Variants in SATB2 observed in about 807,000 individuals in gnomAD.
SATB2 encodes DNA-binding protein SATB2.
Under a neutral mutation model 73.4 loss-of-function variants are expected in SATB2, and 1 was observed. That is an observed-to-expected ratio of 0.01 (90% CI 0.00 to 0.06). The LOEUF (loss-of-function observed/expected upper bound fraction) is 0.06. SATB2 is among the 10% of genes least tolerant of loss of function. SATB2 has a pLI of 1.00. For missense variants in SATB2, 459 were observed against 945.8 expected (o/e 0.49, Z 6.75); for synonymous variants, 397 against 367.0 (o/e 1.08, Z -0.93).
At chr2:199,413,854 T>C (rs574039291) in intron 3 of SATB2, among the ~76,000 whole-genome samples, 17 of 152,266 alleles carry the variant, frequency 1.1e-4, no homozygotes, top group Admixed American at 9.8e-4. Flanking sequence ...CCTGGCGGCA[T>C]TGTGAAGATG....
chr2:199,332,760 T>G (rs998310304), intron 7 of SATB2, among the ~76,000 whole-genome samples: 37 of 152,166 alleles, frequency 2.4e-4, no homozygotes, highest in African/African-American at 8.0e-4. Context: ...ATTGTTAGCA[T>G]GTACAATATA....
At chr2:199,414,759 C>T (rs1268312309) in intron 3 of SATB2, among the ~76,000 whole-genome samples, 1 of 152,136 alleles carries the variant, frequency 6.6e-6, no homozygotes, top group Non-Finnish European at 1.5e-5. Context: ...GTGGCATCTT[C>T]TTCAGAAAAG....
intron 10 of SATB2, among the ~76,000 whole-genome samples, chr2:199,278,118 T>C (rs1034776588): frequency 6.6e-6 from 1 of 152,114 alleles, no homozygotes; most frequent in African/African-American, 2.4e-5. Flanking sequence ...GGGAAGTTAT[T>C]TGAGATAAGG....
intron 6 of SATB2, among the ~76,000 whole-genome samples, chr2:199,358,969 G>A (rs1247049229): frequency 6.6e-6 from 1 of 151,816 alleles, no homozygotes. Flanking sequence ...ATTCTACATA[G>A]GTTAAAACTG....
At chr2:199,434,779 C>T (rs1254815563) in intron 2 of SATB2, among the ~76,000 whole-genome samples, 1 of 152,090 alleles carries the variant, frequency 6.6e-6, no homozygotes, top group Admixed American at 6.6e-5. Context: ...CTCCCTGTGG[C>T]CTCAACCCTA....
chr2:199,370,024 G>A (rs1357986317), intron 5 of SATB2, among the ~76,000 whole-genome samples: 1 of 152,150 alleles, frequency 6.6e-6, no homozygotes, highest in Admixed American at 6.6e-5. Flanking sequence ...GGAACTCAAA[G>A]AGCTAATATC....
intron 7 of SATB2, among the ~76,000 whole-genome samples, chr2:199,336,848 C>A (rs1374356): frequency 6.6e-6 from 1 of 151,970 alleles, no homozygotes; most frequent in East Asian, 1.9e-4. Context: ...TTGCTGGATT[C>A]GAAATTGGGC....
In SATB2 at chr2:199,463,324, G is replaced by A. The variant is rs1183193344; in HGVS notation, c.-141+1512C>T. On this transcript the variant is annotated intron_variant, in intron 1 of 11. Coordinates refer to the SATB2 transcript ENST00000260926. The surrounding 1 kb of genome is among the most constrained non-coding windows in gnomAD (Gnocchi z 6.4). The stretch of plus-strand genomic sequence containing the variant: ...GGCAAGGGTGGGGGAAGAAAAGGAA[G>A]CGCCGAAGGAGCCGCCGCTGCGTCC... 6.6e-6 allele frequency among the ~76,000 whole-genome samples: 1 copy of A among 152,236 alleles called. No individual in the cohort carries two copies. The highest frequency in any genetic ancestry group is 1.5e-5 in the Non-Finnish European group (1 of 68,036).
At chr2:199,302,375 C>G (rs945999072) in intron 10 of SATB2, among the ~76,000 whole-genome samples, 1 of 152,116 alleles carries the variant, frequency 6.6e-6, no homozygotes, top group Non-Finnish European at 1.5e-5. Flanking sequence ...AAATTTTTGA[C>G]ATGTTGAAAA....
chr2:199,274,049 C>T (rs897563390), intron 10 of SATB2, among the ~76,000 whole-genome samples: 1 of 152,224 alleles, frequency 6.6e-6, no homozygotes, highest in African/African-American at 2.4e-5. Context: ...ATTTCCTATA[C>T]TTAGGTCAGT....
intron 2 of SATB2, among the ~76,000 whole-genome samples, chr2:199,447,282 G>A (rs887047679): frequency 1.3e-5 from 2 of 152,308 alleles, no homozygotes; most frequent in Admixed American, 1.3e-4. Flanking sequence ...TAAGGACATC[G>A]ATTTCATAAT....
chr2:199,459,515 A>T (rs939628260), upstream of SATB2: 1 of 152,190 alleles, frequency 6.6e-6, no homozygotes, highest in South Asian at 2.1e-4. This position sits in a 1 kb window ranked among gnomAD's most constrained non-coding sequence, Gnocchi z 4.2. Flanking sequence ...GGCGGACATT[A>T]GCCGCTAGGA....
At chr2:199,362,512 G>A (rs1414323980) in intron 6 of SATB2, among the ~76,000 whole-genome samples, 1 of 152,058 alleles carries the variant, frequency 6.6e-6, no homozygotes, top group African/African-American at 2.4e-5. Flanking sequence ...CCAGAGGTAG[G>A]AAGTATATCT....
At chr2:199,348,158 A>G (rs987104693) in intron 7 of SATB2, 1 of 152,370 alleles carries the variant, frequency 6.6e-6, no homozygotes, top group Non-Finnish European at 1.5e-5. Context: ...TTAAAAATAA[A>G]AGTAAACTAT....
At chr2:199,363,080 A>T (rs1026898608) in intron 6 of SATB2, among the ~76,000 whole-genome samples, 7 of 152,218 alleles carry the variant, frequency 4.6e-5, no homozygotes, top group Admixed American at 4.6e-4. Context: ...GTACAGCTGG[A>T]ATGAGCTTCT....
At chr2:199,290,296 G>C (rs1025984684) in intron 10 of SATB2, among the ~76,000 whole-genome samples, 6 of 152,212 alleles carry the variant, frequency 3.9e-5, no homozygotes, top group African/African-American at 1.2e-4. Context: ...CTGTATTATA[G>C]CTATCTGCTC....
intron 9 of SATB2, among the ~76,000 whole-genome samples, chr2:199,310,288 C>T (rs566463273): frequency 7.2e-5 from 11 of 152,260 alleles, no homozygotes; most frequent in African/African-American, 2.6e-4. Context: ...GCCACATTTG[C>T]GCAGACCTGA....
chr2:199,374,969 G>GAA (rs1190263771), intron 5 of SATB2, among the ~76,000 whole-genome samples: 170 of 121,264 alleles, frequency 1.4e-3, no homozygotes, highest in Middle Eastern at 0.012. Flanking sequence ...GTCGCAAAAA[G>GAA]AAAAAAAAAA....
chr2:199,362,776 A>T (rs1008638482), intron 6 of SATB2, among the ~76,000 whole-genome samples: 2 of 152,166 alleles, frequency 1.3e-5, no homozygotes, highest in Non-Finnish European at 2.9e-5. Context: ...TTTCATACAG[A>T]TTGTAGGCTT....
Sources: gnomAD v4.1 joint callset for allele counts (sites outside exome capture counted in the v4.1 genomes callset) on GRCh38, gnomAD v4.1.1 for gene constraint, Gnocchi (gnomAD v3.1) non-coding constraint, MANE v1.5 for transcripts, NCBI Gene and HGNC (gene_info 2026-07-23, HGNC 2026-07-21) for gene names.